The following ERH variants were observed in gnomAD, a reference collection of about 807,000 sequenced individuals.
The protein encoded by ERH is ERH mRNA splicing and mitosis factor, also known as enhancer of rudimentary homolog.
A neutral mutation model predicts 16.8 loss-of-function variants in ERH; 1 was observed. The observed-to-expected ratio is 0.06, with a 90% CI of 0.02 to 0.28. The LOEUF (loss-of-function observed/expected upper bound fraction) is 0.28, where lower values mean the gene tolerates loss of function less well. Among genes scored for constraint, ERH ranks in the 10% least tolerant of loss-of-function variants. The probability of loss-of-function intolerance (pLI) is 1.00; values close to 1 mark genes in which losing one functional copy is unlikely to be tolerated. For missense variants in ERH, 42 were observed against 127.5 expected (o/e 0.33, Z 3.23); for synonymous variants, 43 against 43.6 (o/e 0.99, Z 0.05).
chr14:69,380,507 C>T lies in ERH; in HGVS notation c.*31G>A. On this transcript the variant is annotated 3_prime_UTR_variant, in exon 4 of 4. Transcript: ENST00000557016. ...GCTGTACACACCTGTGTTCCAAGCC[C>T]ACCCCAACCCCCCCAGTGCTTCCAA... 1 of 1,117,950 alleles carries T rather than the reference C, an allele frequency of 8.9e-7. No homozygotes were observed. Among genetic ancestry groups the T allele is most frequent in the South Asian group, 1.2e-5 (1 of 80,966 alleles). The allele number at this position is 1,117,950 out of a possible 1,614,324, so 69.3% of individuals were successfully genotyped here. A position where few individuals can be genotyped will look rare whatever the true frequency, so the allele number is the denominator to read the frequency against.
intron 3 of ERH, among the ~76,000 whole-genome samples, chr14:69,384,778 A>G (rs986735511): frequency 6.6e-6 from 1 of 152,250 alleles, no homozygotes; most frequent in Non-Finnish European, 1.5e-5. Flanking sequence ...GAGATGCAGC[A>G]GTGAACAAAC....
chr14:69,392,780 G>A (rs1171601205), intron 2 of ERH, among the ~76,000 whole-genome samples: 2 of 152,180 alleles, frequency 1.3e-5, no homozygotes, highest in African/African-American at 4.8e-5. Context: ...AATTGTGTAG[G>A]GGTGAAGAAA....
intron 2 of ERH, among the ~76,000 whole-genome samples, chr14:69,388,945 A>G (rs2045908201): frequency 6.6e-6 from 1 of 152,216 alleles, no homozygotes; most frequent in South Asian, 2.1e-4. Context: ...AATATCACCC[A>G]TGAGTTAATG....
chr14:69,386,841 C>T (rs1594887246), intron 3 of ERH, 122 bp downstream of exon 3: 1 of 821,348 alleles, frequency 1.2e-6, no homozygotes. Flanking sequence ...AATTACTATA[C>T]ACTATGCAAA....
At chr14:69,385,700 T>C (rs1238491346) in intron 3 of ERH, among the ~76,000 whole-genome samples, 1 of 151,586 alleles carries the variant, frequency 6.6e-6, no homozygotes, top group Non-Finnish European at 1.5e-5. Context: ...AAATCCTCTC[T>C]TTTCATTCCC....
chr14:69,385,017 C>T (rs754005195), intron 3 of ERH, among the ~76,000 whole-genome samples: 3 of 152,168 alleles, frequency 2.0e-5, no homozygotes, highest in Non-Finnish European at 4.4e-5. Flanking sequence ...CTTCCTAACA[C>T]TCTAATGTGA....
rs943543225 is a variant in ERH, at chr14:69,398,289, T to C, written c.-56A>G. On this transcript the variant is annotated 5_prime_UTR_variant, in exon 1 of 4. Coordinates refer to ENST00000557016, the MANE Select transcript of ERH (RefSeq NM_004450.3). ...CCGACACCGCCGCCGTTACACGAGC[T>C]TAACTACAACGCCGCTAACAGCCAA... is the stretch of plus-strand genomic sequence containing the variant. The C allele has an allele frequency of 5.0e-6, 8 of 1,613,128 alleles. No homozygotes were observed. The highest frequency in any genetic ancestry group is 3.3e-5 in the South Asian group (3 of 90,976).
At chr14:69,382,334 G>A (rs1239661663) in intron 3 of ERH, among the ~76,000 whole-genome samples, 1 of 152,086 alleles carries the variant, frequency 6.6e-6, no homozygotes, top group Non-Finnish European at 1.5e-5. Flanking sequence ...AATTAAATAA[G>A]CTCTAAGCTA....
chr14:69,387,034 A>G lies in ERH; in HGVS notation c.141T>C (p.Ser47=). The G allele has an allele frequency of 6.2e-7, 1 of 1,613,702 alleles. No homozygotes were observed. The highest frequency in any genetic ancestry group is 1.1e-5 in the South Asian group (1 of 91,086). The change falls in exon 3 of 4, where the codon AGT becomes AGC. Residue 47 remains serine, a synonymous_variant. Transcript: ENST00000557016. ...GACTGATGTCATATGTGATAGAGGG[A>G]CTGTTGGGATTCATTCTTTTCAGAT... is the stretch of plus-strand genomic sequence containing the variant. ...EEHLKRMNPN[S]PSITYDISQL... is the part of the protein sequence containing the mutation.
chr14:69,386,555 C>T (rs936058102), intron 3 of ERH: 26 of 154,244 alleles, frequency 1.7e-4, no homozygotes, highest in Admixed American at 2.6e-4. Flanking sequence ...CGTACTTACA[C>T]AGCGTAGGAT....
At chr14:69,394,181 T>C (rs539581711) in intron 2 of ERH, among the ~76,000 whole-genome samples, 2 of 152,250 alleles carry the variant, frequency 1.3e-5, no homozygotes, top group African/African-American at 2.4e-5. Context: ...AAGGGATACC[T>C]GTAAAATATT....
chr14:69,387,702 A>AAAAAAAAG (rs1402413738), intron 2 of ERH, among the ~76,000 whole-genome samples: 8 of 151,760 alleles, frequency 5.3e-5, no homozygotes, highest in Non-Finnish European at 8.8e-5. Flanking sequence ...GAGCAAAAAA[A>AAAAAAAAG]AAAAAAAAAT....
chr14:69,382,260 G>T lies in ERH; in HGVS notation c.213-1620C>A, dbSNP rs2045867456. Among the ~76,000 whole-genome samples, 4 of 152,276 alleles carry T rather than the reference G, an allele frequency of 2.6e-5. No homozygotes were observed. The South Asian group carries it at 8.3e-4, about 32-fold the overall frequency. ...GTACAAGATTCCCATTTTTAAAAAT[G>T]CTTAACCAAATTTAAAAATTCTAAA... On this transcript the variant is annotated intron_variant, in intron 3 of 3. Coordinates refer to ENST00000557016, the MANE Select transcript of ERH (RefSeq NM_004450.3).
intron 3 of ERH, among the ~76,000 whole-genome samples, chr14:69,386,331 T>C (rs2045892854): frequency 6.6e-6 from 1 of 152,234 alleles, no homozygotes. Context: ...AATATTCAAG[T>C]ATCTGATGAT....
chr14:69,381,324 T>C (rs1457386767), intron 3 of ERH, among the ~76,000 whole-genome samples: 1 of 152,218 alleles, frequency 6.6e-6, no homozygotes, highest in Non-Finnish European at 1.5e-5. Flanking sequence ...TTATTCTGAA[T>C]TAACTAAAAA....
At chr14:69,387,737 T>C (rs1214581433) in intron 2 of ERH, among the ~76,000 whole-genome samples, 2 of 145,834 alleles carry the variant, frequency 1.4e-5, no homozygotes, top group Non-Finnish European at 3.0e-5. Flanking sequence ...GAGATTATCC[T>C]AATGTATATT....
chr14:69,394,743 AT>A (rs1882296327), intron 2 of ERH, 81 bp downstream of exon 2: 2 of 917,496 alleles, frequency 2.2e-6, no homozygotes, highest in South Asian at 1.5e-5. Flanking sequence ...TGGATGGACT[AT>A]TAAAAAAAAA....
At chr14:69,388,532 T>C (rs1336419650) in intron 2 of ERH, among the ~76,000 whole-genome samples, 1 of 152,130 alleles carries the variant, frequency 6.6e-6, no homozygotes, top group Non-Finnish European at 1.5e-5. Flanking sequence ...AGCTAACTTT[T>C]TGTATTTTTA....
chr14:69,388,837 T>C (rs1275672), intron 2 of ERH, among the ~76,000 whole-genome samples: 21,102 of 152,250 alleles, frequency 0.14, 1,774 homozygotes, highest in Middle Eastern at 0.25. Flanking sequence ...AAATTAACTT[T>C]ATAAATTTCC....
Sources: allele counts gnomAD v4.1 joint callset (sites outside exome capture counted in the v4.1 genomes callset), GRCh38; gene constraint gnomAD v4.1.1; transcripts MANE v1.5; gene names NCBI Gene and HGNC (gene_info 2026-07-23, HGNC 2026-07-21).